The following CNTN4 variants were observed in gnomAD, a reference collection of about 807,000 sequenced individuals.
CNTN4 encodes contactin-4.
Under a neutral mutation model 122.5 loss-of-function variants are expected in CNTN4, and 77 were observed. The ratio of observed to expected loss-of-function variants is 0.63; its 90% CI spans 0.52 to 0.76. CNTN4 has a LOEUF of 0.76. CNTN4 is among the 30% of genes least tolerant of loss of function. The pLI, the probability that CNTN4 is intolerant of heterozygous loss-of-function variation, is 0.00. For synonymous variants in CNTN4, 512 were observed against 447.0 expected, an observed-to-expected ratio of 1.15 and a Z score of -1.83; for missense variants, 1,256 against 1,259.1, an observed-to-expected ratio of 1.00 and a Z score of 0.04.
At chr3:2,210,282 A>G (rs963124932) in intron 2 of CNTN4, among the ~76,000 whole-genome samples, 1 of 152,198 alleles carries the variant, frequency 6.6e-6, no homozygotes, top group Non-Finnish European at 1.5e-5. Flanking sequence ...ATAAAAGTAT[A>G]TGCATGATAT....
chr3:2,995,252 G>T (rs770478863), intron 14 of CNTN4, among the ~76,000 whole-genome samples: 1 of 145,108 alleles, frequency 6.9e-6, no homozygotes, highest in Admixed American at 6.7e-5. Flanking sequence ...TTCACAAAGC[G>T]TGTGACATAA....
At chr3:2,507,053 G>A (rs187840318) in intron 3 of CNTN4, among the ~76,000 whole-genome samples, 36 of 152,254 alleles carry the variant, frequency 2.4e-4, no homozygotes, top group African/African-American at 4.1e-4. Flanking sequence ...ATACTGAAAC[G>A]TCTAAAATAA....
chr3:2,540,250 G>T (rs2077979587), intron 3 of CNTN4, among the ~76,000 whole-genome samples: 1 of 151,984 alleles, frequency 6.6e-6, no homozygotes, highest in Non-Finnish European at 1.5e-5. Context: ...CAAACTTGAG[G>T]GTAGGTGTAT....
intron 2 of CNTN4, among the ~76,000 whole-genome samples, chr3:2,278,558 T>C (rs2041604963): frequency 6.6e-6 from 1 of 152,202 alleles, no homozygotes; most frequent in South Asian, 2.1e-4. Flanking sequence ...GCTTAGTTGT[T>C]GAAAGAGAAG....
At chr3:2,537,607 A>G (rs2077862279) in intron 3 of CNTN4, among the ~76,000 whole-genome samples, 1 of 152,074 alleles carries the variant, frequency 6.6e-6, no homozygotes, top group African/African-American at 2.4e-5. Context: ...AGACACTTCT[A>G]AGGGAACTTG....
At position 2,903,356 on chromosome 3, in the gene CNTN4, G is replaced by C. The variant is rs76569464; in HGVS notation, c.1207+351G>C. ...CTTGGAGGGAATAAGAGCTGACTTG[G>C]TTTGGAAAGGCTTATTTGAACAGCT... On this transcript the variant is annotated intron_variant, in intron 12 of 24. Transcript: ENST00000418658. Among the ~76,000 whole-genome samples the C allele has an allele frequency of 1.7e-3, 257 of 152,278 alleles. 1 individual carries two copies. Among genetic ancestry groups the C allele is most frequent in the African/African-American group, 5.6e-3 (233 of 41,564 alleles).
At chr3:2,112,892 T>A (rs1425522186) in intron 2 of CNTN4, among the ~76,000 whole-genome samples, 1 of 152,182 alleles carries the variant, frequency 6.6e-6, no homozygotes, top group East Asian at 1.9e-4. Context: ...GAAATTGGCC[T>A]GACTACAGGC....
rs1284153129 is a variant in CNTN4 at position 2,812,572 on chromosome 3, GTT to G, written c.359-6908_359-6907del. On this transcript the variant is annotated intron_variant, in intron 6 of 24. Coordinates refer to ENST00000418658, the MANE Select transcript of CNTN4 (RefSeq NM_175607.3). ...AGGTTTGTTTTTTTTGTTTTGTTTT[GTT>G]TTTTTGTTTTTTTGCCACAGTAGTG... Among the ~76,000 whole-genome samples the G allele has an allele frequency of 6.2e-3, 636 of 102,550 alleles. 4 individuals carry two copies. The highest frequency in any genetic ancestry group is 0.011 in the Non-Finnish European group (466 of 41,796). The allele number at this position is 102,550 out of a possible 152,430, so 67.3% of individuals were successfully genotyped here. A position where few individuals can be genotyped will look rare whatever the true frequency, so the allele number is the denominator to read the frequency against.
chr3:2,963,016 C>G (rs1184932328), intron 13 of CNTN4, among the ~76,000 whole-genome samples: 1 of 152,084 alleles, frequency 6.6e-6, no homozygotes, highest in Non-Finnish European at 1.5e-5. Context: ...GGGGTTATCC[C>G]CTCCCGCATT....
chr3:2,452,764 G>A (rs1348894565), intron 3 of CNTN4, among the ~76,000 whole-genome samples: 1 of 151,952 alleles, frequency 6.6e-6, no homozygotes, highest in Non-Finnish European at 1.5e-5. Context: ...TTATTACTCA[G>A]CTTATTTCCT....
At chr3:2,720,800 T>C (rs1160885545) in intron 4 of CNTN4, among the ~76,000 whole-genome samples, 4 of 152,190 alleles carry the variant, frequency 2.6e-5, no homozygotes, top group Admixed American at 6.5e-5. Context: ...ACTTTAAATA[T>C]ATTAAGGGAT....
chr3:2,758,446 C>T (rs1336175127), intron 6 of CNTN4, among the ~76,000 whole-genome samples: 1 of 150,982 alleles, frequency 6.6e-6, no homozygotes, highest in African/African-American at 2.4e-5. Context: ...GTGCATATTC[C>T]ATATAGTCTT....
chr3:2,257,077 G>A (rs976794587), intron 2 of CNTN4, among the ~76,000 whole-genome samples: 1 of 152,134 alleles, frequency 6.6e-6, no homozygotes, highest in Non-Finnish European at 1.5e-5. Flanking sequence ...CATGGTATTG[G>A]TACCAGAACA....
chr3:2,397,431 T>A (rs1314967092), intron 3 of CNTN4, among the ~76,000 whole-genome samples: 1 of 152,102 alleles, frequency 6.6e-6, no homozygotes, highest in Non-Finnish European at 1.5e-5. Context: ...AAGAAAAAAA[T>A]TTATAAGCTT....
chr3:2,737,096 T>G lies in CNTN4; in HGVS notation c.182+755T>G, dbSNP rs371276525. On this transcript the variant is annotated intron_variant, in intron 5 of 24. Transcript: ENST00000418658. The stretch of plus-strand genomic sequence containing the variant: ...ACTGTGCCCAGCCATATTTTTATTT[T>G]TCGAGACAGGGTCTCCCTCTGTCAC... Among the ~76,000 whole-genome samples, 60 of 152,188 alleles carry G rather than the reference T, an allele frequency of 3.9e-4. No individual in the cohort carries two copies. In the East Asian group the frequency reaches 0.01, roughly 26 times the overall value.
chr3:2,299,906 C>A (rs151315293), intron 2 of CNTN4, among the ~76,000 whole-genome samples: 1 of 151,942 alleles, frequency 6.6e-6, no homozygotes, highest in Non-Finnish European at 1.5e-5. Context: ...TAGCGTTTAC[C>A]GCATTAAAAT....
intron 13 of CNTN4, among the ~76,000 whole-genome samples, chr3:2,982,232 G>A (rs1165317408): frequency 6.6e-6 from 1 of 152,060 alleles, no homozygotes; most frequent in Admixed American, 6.6e-5. Flanking sequence ...ATCTTCTACC[G>A]AAAAGTTCTA....
intron 7 of CNTN4, among the ~76,000 whole-genome samples, chr3:2,842,995 A>G (rs918564544): frequency 1.2e-4 from 19 of 152,052 alleles, no homozygotes; most frequent in Admixed American, 1.0e-3. Flanking sequence ...AATGGCTTCA[A>G]ATGCCATCTT....
intron 4 of CNTN4, among the ~76,000 whole-genome samples, chr3:2,640,904 C>A (rs576432417): frequency 6.6e-6 from 1 of 152,152 alleles, no homozygotes; most frequent in Non-Finnish European, 1.5e-5. Context: ...GGTCACTTTT[C>A]TCTCTGAAGG....
Sources: allele counts gnomAD v4.1 joint callset (sites outside exome capture counted in the v4.1 genomes callset), GRCh38; gene constraint gnomAD v4.1.1; transcripts MANE v1.5; gene names NCBI Gene and HGNC (gene_info 2026-07-23, HGNC 2026-07-21).